Variants in ARHGAP32 observed in about 807,000 individuals in gnomAD.
ARHGAP32 encodes rho GTPase-activating protein 32.
In ARHGAP32, 51 loss-of-function variants were observed where a neutral mutation model predicts 186.5. The ratio of observed to expected loss-of-function variants is 0.27; its 90% CI spans 0.22 to 0.35. The LOEUF (loss-of-function observed/expected upper bound fraction) is 0.35, where lower values mean the gene tolerates loss of function less well. ARHGAP32 is among the 10% of genes least tolerant of loss of function. ARHGAP32 has a pLI of 1.00. For synonymous variants in ARHGAP32, 950 were observed against 964.3 expected (o/e 0.99, Z 0.27); for missense variants, 2,186 against 2,623.5 (o/e 0.83, Z 3.64).
chr11:129,119,463 A>G (rs1156735756), intron 5 of ARHGAP32, among the ~76,000 whole-genome samples: 2 of 152,130 alleles, frequency 1.3e-5, no homozygotes, highest in Non-Finnish European at 2.9e-5. Flanking sequence ...GTAAAACAGC[A>G]TTTTAAAAAC....
intron 1 of ARHGAP32, among the ~76,000 whole-genome samples, chr11:129,203,692 C>G (rs1443600830): frequency 1.4e-5 from 2 of 144,340 alleles, no homozygotes; most frequent in African/African-American, 5.1e-5. Context: ...GAGTTTAAGA[C>G]CAGGTTGAAC....
intron 1 of ARHGAP32, among the ~76,000 whole-genome samples, chr11:129,247,034 G>T (rs79932788): frequency 6.6e-5 from 10 of 152,056 alleles, no homozygotes; most frequent in Admixed American, 5.2e-4. Context: ...TACCTTCCAC[G>T]CTCTATAGTA....
Position 128,981,419 on chromosome 11 carries a change from C to T in ARHGAP32, c.1777G>A (p.Ala593Thr). Residue 593 changes from alanine to threonine, a missense_variant, in exon 17 of 23, where the codon GCA becomes ACA. Ala to Thr is a moderately conservative substitution (Grantham distance 58). This residue lies in a region of ARHGAP32 where 263 missense variants were observed against 323.5 expected (regional missense o/e 0.81). Coordinates refer to ENST00000682385, the MANE Select transcript of ARHGAP32 (RefSeq NM_001378024.1). ...GRISMAMQEG[A>T]ASLSRPKSLL... is the part of the protein sequence containing the mutation. ...GGAAGGGCCATCGGAGCCGTACCTG[C>T]CCCCTCTTGCATGGCCATGCTGATT... The T allele has an allele frequency of 1.3e-6, 2 of 1,599,824 alleles. No homozygotes were observed. Among genetic ancestry groups the T allele is most frequent in the East Asian group, 2.2e-5 (1 of 44,558 alleles).
At chr11:129,099,147 A>T (rs1941819101) in intron 5 of ARHGAP32, among the ~76,000 whole-genome samples, 1 of 152,236 alleles carries the variant, frequency 6.6e-6, no homozygotes, top group Non-Finnish European at 1.5e-5. Context: ...GAATGAAATA[A>T]ACAGTACAAT....
chr11:129,106,740 GAAGA>G (rs1203963275), intron 5 of ARHGAP32, among the ~76,000 whole-genome samples: 2 of 151,986 alleles, frequency 1.3e-5, no homozygotes, highest in African/African-American at 2.4e-5. Context: ...TGATCAAGAA[GAAGA>G]AAGAATCAGT....
At chr11:129,233,516 A>C (rs1234780755) in intron 1 of ARHGAP32, among the ~76,000 whole-genome samples, 5 of 151,996 alleles carry the variant, frequency 3.3e-5, no homozygotes, top group African/African-American at 4.8e-5. Flanking sequence ...AATGGCACAC[A>C]CCTTTCAACC....
In ARHGAP32 at chr11:128,974,278, C is replaced by T. The variant is rs1244481762; in HGVS notation, c.2919G>A (p.Met973Ile). The T allele has an allele frequency of 3.1e-6, 5 of 1,614,084 alleles. No homozygotes were observed. Among genetic ancestry groups the T allele is most frequent in the Non-Finnish European group, 4.2e-6 (5 of 1,180,038 alleles). The change falls in exon 21 of 23, where the codon ATG becomes ATA. Residue 973 changes from methionine (M) to isoleucine (I), a missense_variant. This residue lies in a region of ARHGAP32 where 1,502 missense variants were observed against 1,570.0 expected (regional missense o/e 0.96). Coordinates refer to ENST00000682385, the MANE Select transcript of ARHGAP32 (RefSeq NM_001378024.1). ...CTTGGGCAACTGTCTCATTTGTTTT[C>T]ATCTTTACTATCTGGGTGGGGGATC... ...TNRSPTQIVKMKTNETVAQEA... is the reference protein window; with the variant it reads ...TNRSPTQIVKIKTNETVAQEA...
chr11:129,142,108 G>A (rs1258854404), intron 2 of ARHGAP32, among the ~76,000 whole-genome samples: 2 of 152,076 alleles, frequency 1.3e-5, no homozygotes, highest in Non-Finnish European at 2.9e-5. Flanking sequence ...GTTAATCACT[G>A]AACCAAATTA....
At chr11:129,174,091 G>A (rs1295518519) in intron 1 of ARHGAP32, among the ~76,000 whole-genome samples, 2 of 152,308 alleles carry the variant, frequency 1.3e-5, no homozygotes, top group South Asian at 2.1e-4. Context: ...CGCGCACCGT[G>A]CACAAGCCAA....
intron 1 of ARHGAP32, among the ~76,000 whole-genome samples, chr11:129,177,272 A>G (rs949386058): frequency 1.2e-4 from 18 of 152,160 alleles, no homozygotes; most frequent in Admixed American, 5.2e-4. Context: ...CAATAACAGG[A>G]GCTGAAATTG....
intron 1 of ARHGAP32, among the ~76,000 whole-genome samples, chr11:129,240,176 C>T (rs928078961): frequency 6.6e-6 from 1 of 151,964 alleles, no homozygotes; most frequent in African/African-American, 2.4e-5. Context: ...ATACAATATA[C>T]CCCCACAGCC....
intron 6 of ARHGAP32, among the ~76,000 whole-genome samples, chr11:129,084,267 C>T (rs1379495058): frequency 6.6e-6 from 1 of 150,912 alleles, no homozygotes; most frequent in Non-Finnish European, 1.5e-5. Flanking sequence ...AAGACAGATG[C>T]AGAGAGAAGT....
chr11:129,083,633 G>A (rs1941291698), intron 6 of ARHGAP32, among the ~76,000 whole-genome samples: 1 of 152,090 alleles, frequency 6.6e-6, no homozygotes, highest in Non-Finnish European at 1.5e-5. Flanking sequence ...CTCAGGTGAT[G>A]GGTACACCAA....
chr11:128,986,693 C>A (rs76979969), intron 13 of ARHGAP32, 25 bp from the exon 14 acceptor site: 1 of 1,609,796 alleles, frequency 6.2e-7, no homozygotes, highest in Non-Finnish European at 8.5e-7. Context: ...AGAGGACAAG[C>A]AAATCATTTG....
Position 128,968,561 on chromosome 11 carries a change from G to A in ARHGAP32, c.*346C>T, listed in dbSNP as rs73029226. 528 of 177,896 alleles carry A rather than the reference G, an allele frequency of 3.0e-3. 8 individuals carry two copies. Among genetic ancestry groups the A allele is most frequent in the Non-Finnish European group, 3.5e-3 (298 of 85,934 alleles). The allele number at this position is 177,896 out of a possible 1,614,324, so 11.0% of individuals were successfully genotyped here. A position where few individuals can be genotyped will look rare whatever the true frequency, so the allele number is the denominator to read the frequency against. On this transcript the variant is annotated 3_prime_UTR_variant, in exon 23 of 23. Transcript: ENST00000682385. ...TTATGCAGCAAATACTAAGAAGAAA[G>A]GACAATGCTGAATTCAAATTCAGTT...
intron 11 of ARHGAP32, among the ~76,000 whole-genome samples, chr11:129,002,133 A>C (rs1409474318): frequency 6.6e-6 from 1 of 152,082 alleles, no homozygotes; most frequent in Non-Finnish European, 1.5e-5. Context: ...CCTGTGAAGT[A>C]TGTCATTGGT....
chr11:129,208,023 A>G (rs911126148), intron 1 of ARHGAP32, among the ~76,000 whole-genome samples: 2 of 152,156 alleles, frequency 1.3e-5, no homozygotes, highest in Non-Finnish European at 2.9e-5. Flanking sequence ...CACACAACTG[A>G]ACAATCTATG....
chr11:129,129,887 T>A (rs1160601113), intron 2 of ARHGAP32, among the ~76,000 whole-genome samples: 2 of 152,236 alleles, frequency 1.3e-5, no homozygotes, highest in African/African-American at 4.8e-5. Context: ...GAGTTGAACA[T>A]AACTTCACAT....
intron 11 of ARHGAP32, among the ~76,000 whole-genome samples, chr11:129,035,173 CCTCTCTCT>C (rs71057921): frequency 1.3e-5 from 2 of 148,538 alleles, no homozygotes; most frequent in East Asian, 2.0e-4. Context: ...TGTTTCCTCT[CCTCTCTCT>C]CTCTCTCTCT....
Sources: allele counts gnomAD v4.1 joint callset (sites outside exome capture counted in the v4.1 genomes callset), GRCh38; gene constraint gnomAD v4.1.1; regional missense constraint gnomAD v4.1.1; transcripts MANE v1.5; gene names NCBI Gene and HGNC (gene_info 2026-07-23, HGNC 2026-07-21).